Variants in ZNF560 observed in about 807,000 individuals in gnomAD.
The protein encoded by ZNF560 is zinc finger protein 560.
Under a neutral mutation model 81.8 loss-of-function variants are expected in ZNF560, and 54 were observed. The observed-to-expected ratio is 0.66, with a 90% confidence interval of 0.53 to 0.83. ZNF560 has a LOEUF of 0.83. Ranked by LOEUF, ZNF560 falls within the 40% of genes least tolerant of loss-of-function variation. The probability of loss-of-function intolerance (pLI) is 0.00; values close to 1 mark genes in which losing one functional copy is unlikely to be tolerated. For synonymous variants in ZNF560, 321 were observed against 317.9 expected, an observed-to-expected ratio of 1.01 and a Z score of -0.10; for missense variants, 940 against 932.4, an observed-to-expected ratio of 1.01 and a Z score of -0.11.
intron 2 of ZNF560, among the ~76,000 whole-genome samples, chr19:9,480,865 T>G (rs1487462139): frequency 6.6e-6 from 1 of 152,016 alleles, no homozygotes; most frequent in Non-Finnish European, 1.5e-5. Flanking sequence ...GTGGGAAGAT[T>G]GCTTGAGCTC....
At chr19:9,477,411 A>T (rs2073219549) in intron 2 of ZNF560, among the ~76,000 whole-genome samples, 1 of 152,210 alleles carries the variant, frequency 6.6e-6, no homozygotes, top group South Asian at 2.1e-4. Context: ...TGACTGCCAT[A>T]TAAAGGACTC....
Position 9,475,455 on chromosome 19 carries a change from A to T in ZNF560, c.-56-86T>A, listed in dbSNP as rs1177968846. On this transcript the variant is annotated intron_variant, in intron 2 of 9. Coordinates refer to ENST00000301480, the MANE Select transcript of ZNF560 (RefSeq NM_152476.3). ...TGGAAGTTATTCCAACCTGGTTCGA[A>T]ATTCTCTTATAATTCATATAAACTC... The T allele has an allele frequency of 8.4e-6, 6 of 711,650 alleles. No individual in the cohort carries two copies. In the South Asian group the frequency reaches 1.1e-4, roughly 13 times the overall value. 44.1% of individuals were successfully genotyped at this position (711,650 alleles called of 1,614,324 possible). A position where few individuals can be genotyped will look rare whatever the true frequency, so the allele number is the denominator to read the frequency against.
intron 6 of ZNF560, 116 bp from the exon 7 acceptor site, chr19:9,470,634 AC>A: frequency 1.4e-6 from 2 of 1,441,750 alleles, no homozygotes; most frequent in Non-Finnish European, 1.9e-6. Flanking sequence ...CCCACTATCT[AC>A]ACCCCAAGGT....
downstream of ZNF560, among the ~76,000 whole-genome samples, chr19:9,465,114 CAG>C (rs2072994007): frequency 6.7e-6 from 1 of 149,820 alleles, no homozygotes; most frequent in African/African-American, 2.5e-5. Flanking sequence ...CCCAAGGAAA[CAG>C]TGAAAGCTAT....
chr19:9,499,817 A>G (rs1307771367), upstream of ZNF560, among the ~76,000 whole-genome samples: 1 of 152,170 alleles, frequency 6.6e-6, no homozygotes, highest in Non-Finnish European at 1.5e-5. Context: ...CTTGGGGTAA[A>G]GTTATTCCCA....
At chr19:9,475,250 T>C (rs1212431085) in intron 3 of ZNF560, 34 bp downstream of exon 3, 1 of 1,611,474 alleles carries the variant, frequency 6.2e-7, no homozygotes, top group South Asian at 1.1e-5. Context: ...GATGCAAGTA[T>C]GTCATTTTGT....
downstream of ZNF560, among the ~76,000 whole-genome samples, chr19:9,464,752 G>C (rs1009470500): frequency 1.3e-5 from 2 of 152,196 alleles, no homozygotes; most frequent in Admixed American, 1.3e-4. Context: ...ATAGCAACTA[G>C]AGTGGTGTTG....
chr19:9,506,309 T>A, the ZNF560 span, among the ~76,000 whole-genome samples: 1 of 151,782 alleles, frequency 6.6e-6, no homozygotes, highest in Non-Finnish European at 1.5e-5. Flanking sequence ...TTAACAGCCC[T>A]CATAAGGATT....
chr19:9,487,025 T>C (rs1057389663), intron 2 of ZNF560, among the ~76,000 whole-genome samples: 1 of 151,388 alleles, frequency 6.6e-6, no homozygotes, highest in Non-Finnish European at 1.5e-5. Context: ...TTTTCCTTTG[T>C]TTTCCCTTGT....
intron 6 of ZNF560, 138 bp downstream of exon 6, chr19:9,471,158 A>G (rs1350826190): frequency 1.5e-5 from 8 of 551,416 alleles, no homozygotes; most frequent in African/African-American, 1.4e-4. Context: ...CATCATTATC[A>G]GAGCATCTCT....
chr19:9,472,608 ATGGGACCATC>A (rs1395106733), intron 5 of ZNF560, among the ~76,000 whole-genome samples: 1 of 152,158 alleles, frequency 6.6e-6, no homozygotes, highest in Non-Finnish European at 1.5e-5. Context: ...AGATCCCCAA[ATGGGACCATC>A]TGGTTACAGG....
At chr19:9,486,557 T>C (rs751026956) in intron 2 of ZNF560, among the ~76,000 whole-genome samples, 11 of 151,686 alleles carry the variant, frequency 7.3e-5, no homozygotes, top group Non-Finnish European at 1.6e-4. Context: ...CTGGCCAACA[T>C]GGCAAAACCC....
downstream of ZNF560, among the ~76,000 whole-genome samples, chr19:9,461,717 G>A (rs572901146): frequency 3.9e-5 from 6 of 152,266 alleles, no homozygotes; most frequent in East Asian, 1.9e-4. Context: ...GCTGAAATGC[G>A]ACTGGAATAC....
chr19:9,479,067 G>A (rs2144703477), intron 2 of ZNF560, among the ~76,000 whole-genome samples: 1 of 152,112 alleles, frequency 6.6e-6, no homozygotes, highest in Middle Eastern at 3.4e-3. Context: ...TCAGGAGGCT[G>A]AGGCAGGAGA....
chr19:9,475,379 A>C lies in ZNF560; in HGVS notation c.-56-10T>G. On this transcript the variant is annotated splice_polypyrimidine_tract_variant and intron_variant, in intron 2 of 9. Coordinates refer to ENST00000301480, the MANE Select transcript of ZNF560 (RefSeq NM_152476.3). ...GGGTTCCTAGAAAGACCTGGAAAAG[A>C]AAGAAGGCATAAGAGCCCAGACATA... The C allele has an allele frequency of 6.5e-7, 1 of 1,534,044 alleles. No individual in the cohort carries two copies. Among genetic ancestry groups the C allele is most frequent in the African/African-American group, 1.4e-5 (1 of 73,410 alleles).
chr19:9,479,522 A>C (rs1254228037), intron 2 of ZNF560, among the ~76,000 whole-genome samples: 1 of 152,224 alleles, frequency 6.6e-6, no homozygotes, highest in African/African-American at 2.4e-5. Flanking sequence ...ATGATAATAA[A>C]GGAATCTACC....
intron 2 of ZNF560, among the ~76,000 whole-genome samples, chr19:9,485,165 A>G (rs1248564262): frequency 1.3e-5 from 2 of 152,238 alleles, no homozygotes; most frequent in African/African-American, 4.8e-5. Context: ...AAGACATCTA[A>G]GAATATCTAA....
chr19:9,467,543 G>A lies in ZNF560; in HGVS notation c.1404C>T (p.Ala468=). 4 of 1,614,044 alleles carry A rather than the reference G, an allele frequency of 2.5e-6. No individual in the cohort carries two copies. The highest frequency in any genetic ancestry group is 3.4e-6 in the Non-Finnish European group (4 of 1,180,018). The part of the protein sequence containing the change: ...KPYEHKEYGK[A]FGTSSGVIED... ...CAATAACACCTGAGGATGTACCAAAGGCCTTCCCATATTCCTTATGCTCAT... is the reference window on the plus strand; with the variant it reads ...CAATAACACCTGAGGATGTACCAAAAGCCTTCCCATATTCCTTATGCTCAT... The change falls in exon 10 of 10, where the codon GCC becomes GCT. Residue 468 remains alanine, a synonymous_variant. Transcript: ENST00000301480.
At chr19:9,486,038 C>T (rs543709877) in intron 2 of ZNF560, among the ~76,000 whole-genome samples, 142 of 152,312 alleles carry the variant, frequency 9.3e-4, no homozygotes, top group African/African-American at 3.2e-3. Flanking sequence ...ATAGGAGGCA[C>T]CTAGCAAGGT....
Sources: gnomAD v4.1 joint callset for allele counts (sites outside exome capture counted in the v4.1 genomes callset) on GRCh38, gnomAD v4.1.1 for gene constraint, MANE v1.5 for transcripts, NCBI Gene and HGNC (gene_info 2026-07-23, HGNC 2026-07-21) for gene names.